Variants in CACNB2 observed in about 807,000 individuals in gnomAD.
The protein encoded by CACNB2 is calcium voltage-gated channel auxiliary subunit beta 2, also known as voltage-dependent L-type calcium channel subunit beta-2.
A neutral mutation model predicts 73.3 loss-of-function variants in CACNB2; 42 were observed. The observed-to-expected ratio is 0.57, with a 90% CI of 0.45 to 0.74. The LOEUF (loss-of-function observed/expected upper bound fraction) is 0.74. Among genes scored for constraint, CACNB2 ranks in the 30% least tolerant of loss-of-function variants. The pLI is 0.00. For synonymous variants in CACNB2, 348 were observed against 310.3 expected, an observed-to-expected ratio of 1.12 and a Z score of -1.28; for missense variants, 940 against 853.0, an observed-to-expected ratio of 1.10 and a Z score of -1.27.
chr10:18,518,799 T>G, intron 8 of CACNB2, 111 bp from the exon 9 acceptor site: 1 of 986,984 alleles, frequency 1.0e-6, no homozygotes, highest in African/African-American at 1.6e-5. Flanking sequence ...TGCCACTCTT[T>G]CCAGATGCAA....
At chr10:18,161,751 C>G (rs2032480855) in intron 2 of CACNB2, among the ~76,000 whole-genome samples, 3 of 151,790 alleles carry the variant, frequency 2.0e-5, no homozygotes, top group Non-Finnish European at 4.4e-5. Context: ...TGCTGAAACC[C>G]TGTCTCTACT....
chr10:18,209,516 T>C (rs896950376), intron 2 of CACNB2, among the ~76,000 whole-genome samples: 113 of 152,346 alleles, frequency 7.4e-4, no homozygotes, highest in African/African-American at 2.6e-3. Flanking sequence ...GGAATAATTC[T>C]GAGCTGTATT....
At chr10:18,232,237 TCA>T (rs1278492089) in intron 2 of CACNB2, among the ~76,000 whole-genome samples, 1 of 152,206 alleles carries the variant, frequency 6.6e-6, no homozygotes, top group African/African-American at 2.4e-5. Flanking sequence ...TTATATGTAA[TCA>T]CTCATTTAAT....
rs1564420986 is a variant in CACNB2, at chr10:18,304,859, C to T, written c.214-97065C>T. ...TTCCTTAATTAAAACAGGGGCGGTC[C>T]CTTTCCTCACAGGTCATGCTGTACA... is the stretch of plus-strand genomic sequence containing the variant. On this transcript the variant is annotated intron_variant, in intron 2 of 13. Transcript: ENST00000324631. Among the ~76,000 whole-genome samples, 4 of 152,158 alleles carry T rather than the reference C, an allele frequency of 2.6e-5. No individual in the cohort carries two copies. The South Asian group carries it at 8.3e-4, about 32-fold the overall frequency.
At chr10:18,432,255 G>A (rs1164314447) in intron 3 of CACNB2, among the ~76,000 whole-genome samples, 3 of 152,166 alleles carry the variant, frequency 2.0e-5, no homozygotes, top group Non-Finnish European at 4.4e-5. Flanking sequence ...TTTGAAGTAA[G>A]ATTTAAAATG....
At chr10:18,333,225 G>C (rs952955885) in intron 2 of CACNB2, among the ~76,000 whole-genome samples, 1 of 152,106 alleles carries the variant, frequency 6.6e-6, no homozygotes, top group Non-Finnish European at 1.5e-5. Context: ...CTCAAAAAAG[G>C]CTCATTTATT....
Position 18,159,226 on chromosome 10 carries a change from TG to T in CACNB2, c.213+8252del, listed in dbSNP as rs551407240. On this transcript the variant is annotated intron_variant, in intron 2 of 13. Transcript: ENST00000324631. ...ATGGCCATTTTCATTGAAAGTACAT[TG>T]TCATCTGAGCTTTCTACTCTATGCT... is the stretch of plus-strand genomic sequence containing the variant. Among the ~76,000 whole-genome samples the T allele has an allele frequency of 4.0e-4, 61 of 152,172 alleles. 1 individual carries two copies. In the South Asian group the frequency reaches 0.013, roughly 32 times the overall value.
intron 2 of CACNB2, among the ~76,000 whole-genome samples, chr10:18,384,567 A>G (rs114856031): frequency 6.6e-6 from 1 of 152,014 alleles, no homozygotes; most frequent in Non-Finnish European, 1.5e-5. Flanking sequence ...CTCTCCAAAA[A>G]AAGAAAAAAA....
chr10:18,240,561 A>G lies in CACNB2; in HGVS notation c.213+89586A>G, dbSNP rs79974802. Among the ~76,000 whole-genome samples the G allele has an allele frequency of 3.0e-3, 451 of 152,294 alleles. 4 individuals carry two copies. The highest frequency in any genetic ancestry group is 1.0e-2 in the African/African-American group (414 of 41,560). On this transcript the variant is annotated intron_variant, in intron 2 of 13. Coordinates refer to ENST00000324631, the MANE Select transcript of CACNB2 (RefSeq NM_201596.3). Reference sequence around the variant, plus strand: ...TGACATCTCCTCTTGGTTTTCTCAAAAACACCTCAGACTCAACACATCCAA... The same window carrying G: ...TGACATCTCCTCTTGGTTTTCTCAAGAACACCTCAGACTCAACACATCCAA...
chr10:18,281,491 A>G (rs572058453), intron 2 of CACNB2, among the ~76,000 whole-genome samples: 71 of 152,232 alleles, frequency 4.7e-4, no homozygotes, highest in African/African-American at 1.7e-3. Flanking sequence ...ATCTCCAAGG[A>G]CCTCTTTCAG....
At chr10:18,223,722 ATATTT>A (rs1165951269) in intron 2 of CACNB2, among the ~76,000 whole-genome samples, 3 of 152,122 alleles carry the variant, frequency 2.0e-5, no homozygotes, top group African/African-American at 7.2e-5. Flanking sequence ...ACCACTATTA[ATATTT>A]TAATTTCCTT....
intron 3 of CACNB2, among the ~76,000 whole-genome samples, chr10:18,421,815 C>A (rs1247741525): frequency 6.6e-6 from 1 of 152,146 alleles, no homozygotes; most frequent in Non-Finnish European, 1.5e-5. Context: ...ATAAGCCCAG[C>A]CTTTTTCCTT....
chr10:18,208,897 A>G (rs942056965), intron 2 of CACNB2, among the ~76,000 whole-genome samples: 1 of 152,166 alleles, frequency 6.6e-6, no homozygotes, highest in Non-Finnish European at 1.5e-5. Context: ...ATACATCCAC[A>G]TATGAACCCA....
chr10:18,221,595 C>T (rs536783948), intron 2 of CACNB2, among the ~76,000 whole-genome samples: 1 of 152,286 alleles, frequency 6.6e-6, no homozygotes, highest in African/African-American at 2.4e-5. Context: ...GGGAGGACTG[C>T]TTAAACCTGG....
At chr10:18,402,086 T>A in intron 3 of CACNB2, 43 bp downstream of exon 3, 1 of 1,608,338 alleles carries the variant, frequency 6.2e-7, no homozygotes, top group Non-Finnish European at 8.5e-7. Flanking sequence ...CAAGTTGTGC[T>A]GTGCCCCTGA....
At chr10:18,335,348 G>A (rs1187987436) in intron 2 of CACNB2, among the ~76,000 whole-genome samples, 1 of 152,168 alleles carries the variant, frequency 6.6e-6, no homozygotes, top group Non-Finnish European at 1.5e-5. Flanking sequence ...GCCAAGGTGG[G>A]CAGATCACTT....
At chr10:18,443,022 A>G (rs61842007) in intron 3 of CACNB2, among the ~76,000 whole-genome samples, 14 of 115,586 alleles carry the variant, frequency 1.2e-4, no homozygotes, top group South Asian at 2.6e-4. Context: ...ATGTATATAT[A>G]TATATATATA....
chr10:18,238,240 T>C (rs750515800), intron 2 of CACNB2, among the ~76,000 whole-genome samples: 3 of 152,192 alleles, frequency 2.0e-5, no homozygotes, highest in Non-Finnish European at 4.4e-5. Context: ...TCTGTTTTGT[T>C]TTGCAAATTC....
chr10:18,407,109 C>CTTTTTTTTGTTTTTTTTTTTTTTTTT (rs2044334030), intron 3 of CACNB2, among the ~76,000 whole-genome samples: 1 of 35,572 alleles, frequency 2.8e-5, no homozygotes, highest in African/African-American at 1.1e-4. Context: ...GCTGTTCTGT[C>CTTTTTTTTGTTTTTTTTTTTTTTTTT]TTTTTTTTTT....
Sources: allele counts gnomAD v4.1 joint callset (sites outside exome capture counted in the v4.1 genomes callset), GRCh38; gene constraint gnomAD v4.1.1; transcripts MANE v1.5; gene names NCBI Gene and HGNC (gene_info 2026-07-23, HGNC 2026-07-21).